PCDHA7: variants seen among roughly 807,000 people sequenced by gnomAD.
PCDHA7 encodes protocadherin alpha-7.
PCDHA7 carries 37 observed loss-of-function variants against 57.2 expected under a neutral mutation model. That is an observed-to-expected ratio of 0.65 (90% confidence interval 0.50 to 0.85). The LOEUF is 0.85. Ranked by LOEUF, PCDHA7 falls within the 40% of genes least tolerant of loss-of-function variation. The probability of loss-of-function intolerance (pLI) is 0.00; values close to 1 mark genes in which losing one functional copy is unlikely to be tolerated. For missense variants in PCDHA7, 1,188 were observed against 1,241.8 expected (o/e 0.96, Z 0.65); for synonymous variants, 553 against 558.8 (o/e 0.99, Z 0.15).
intron 3 of PCDHA7, among the ~76,000 whole-genome samples, chr5:140,991,449 A>G (rs1405447405): frequency 6.6e-6 from 1 of 152,206 alleles, no homozygotes; most frequent in East Asian, 1.9e-4. Flanking sequence ...GCTTAAAACA[A>G]CACAATGTAT....
At chr5:140,852,885 AT>A (rs2150523673) in intron 1 of PCDHA7, 17,743 of 732,756 alleles carry the variant, frequency 0.024, 6 homozygotes, top group Non-Finnish European at 0.027. Flanking sequence ...CATAAAACGT[AT>A]TTTTTTTTTT....
Position 140,850,293 on chromosome 5 carries a change from G to T in PCDHA7, c.2355+13555G>T. On this transcript the variant is annotated intron_variant, in intron 1 of 3. Coordinates refer to ENST00000525929, the MANE Select transcript of PCDHA7 (RefSeq NM_018910.3). ...GGGGAAGGTGCGCGCAGTGGACGCC[G>T]ACTCGGGCTACAACGCGTGGCTTTC... 6.3e-6 allele frequency: 10 copies of T among 1,596,280 alleles called. 2 individuals are homozygous for T. The highest frequency in any genetic ancestry group is 8.6e-6 in the Non-Finnish European group (10 of 1,167,618).
At chr5:140,967,535 T>C in intron 1 of PCDHA7, 3 of 1,613,746 alleles carry the variant, frequency 1.9e-6, no homozygotes, top group Non-Finnish European at 2.5e-6. Context: ...CTCTCCTGCC[T>C]TTGACCAGTC....
chr5:141,003,574 A>T (rs559561339), intron 3 of PCDHA7, among the ~76,000 whole-genome samples: 1 of 151,680 alleles, frequency 6.6e-6, no homozygotes, highest in African/African-American at 2.4e-5. Context: ...CAGACTCCCA[A>T]AGTGCTGGGA....
At chr5:140,915,533 G>C (rs1200323853) in intron 1 of PCDHA7, among the ~76,000 whole-genome samples, 1 of 152,018 alleles carries the variant, frequency 6.6e-6, no homozygotes, top group Non-Finnish European at 1.5e-5. Flanking sequence ...GTACCATCTT[G>C]GAGGTCTTGA....
intron 1 of PCDHA7, chr5:140,883,426 C>T: frequency 6.2e-7 from 1 of 1,614,196 alleles, no homozygotes; most frequent in Non-Finnish European, 8.5e-7. Context: ...GACAGGTCAC[C>T]TGCACCTTGA....
intron 1 of PCDHA7, among the ~76,000 whole-genome samples, chr5:140,943,274 A>G (rs1179008027): frequency 6.4e-5 from 9 of 141,284 alleles, no homozygotes; most frequent in Non-Finnish European, 1.0e-4. Flanking sequence ...AAAAAAAAAA[A>G]AAAGAAAGAA....
rs544401230 is a variant in PCDHA7 at position 140,855,171 on chromosome 5, C to A, written c.2355+18433C>A. On this transcript the variant is annotated intron_variant, in intron 1 of 3. Coordinates refer to ENST00000525929, the MANE Select transcript of PCDHA7 (RefSeq NM_018910.3). ...AATTTGGTATTGAGCCTCATGAAAA[C>A]AAATGTGGCCAAATTGAGGCCTGAG... Among the ~76,000 whole-genome samples the A allele has an allele frequency of 6.9e-4, 104 of 149,830 alleles. 7 individuals are homozygous for A. Among genetic ancestry groups the A allele is most frequent in the African/African-American group, 2.4e-3 (100 of 41,004 alleles).
intron 1 of PCDHA7, chr5:140,868,533 C>T (rs1265642890): frequency 6.6e-6 from 1 of 152,534 alleles, no homozygotes; most frequent in African/African-American, 2.4e-5. Context: ...GAAAGTAAAA[C>T]AATTCAAATT....
intron 1 of PCDHA7, chr5:140,862,242 A>C (rs1297106167): frequency 4.7e-6 from 1 of 212,242 alleles, no homozygotes; most frequent in Non-Finnish European, 9.5e-6. Flanking sequence ...CATCAATGAT[A>C]GTGTTCCAGA....
chr5:140,843,104 C>A (rs1327692669), intron 1 of PCDHA7: 3 of 1,595,712 alleles, frequency 1.9e-6, no homozygotes, highest in Non-Finnish European at 1.7e-6. Context: ...AGCGAAGGTG[C>A]GCGCAGTGGA....
intron 1 of PCDHA7, chr5:140,855,749 C>T (rs2043605580): frequency 3.1e-6 from 1 of 325,346 alleles, no homozygotes. Context: ...TAATGTGAGG[C>T]TTTGAAAGTC....
chr5:140,976,190 C>T (rs1402016343), intron 1 of PCDHA7, among the ~76,000 whole-genome samples: 17 of 152,040 alleles, frequency 1.1e-4, no homozygotes, highest in African/African-American at 4.1e-4. Context: ...AATCAATATC[C>T]TGGAAACTCA....
At chr5:140,991,022 C>T (rs1324609159) in intron 3 of PCDHA7, among the ~76,000 whole-genome samples, 1 of 152,164 alleles carries the variant, frequency 6.6e-6, no homozygotes, top group Non-Finnish European at 1.5e-5. Flanking sequence ...AAGCACTTTA[C>T]ATATGTTGCA....
At chr5:140,881,335 C>A in intron 1 of PCDHA7, 1 of 984,916 alleles carries the variant, frequency 1.0e-6, no homozygotes, top group Non-Finnish European at 1.2e-6. Context: ...ACCAGGACGC[C>A]GATTCGGGCT....
rs373601874 is a variant in PCDHA7, at chr5:140,873,473, C to T, written c.2355+36735C>T. ...TTTGCATTTTAGATAATTCAAATTACTTGGACTGATTTCTGCAAAGTTGTG... is the reference window on the plus strand; with the variant it reads ...TTTGCATTTTAGATAATTCAAATTATTTGGACTGATTTCTGCAAAGTTGTG... On this transcript the variant is annotated intron_variant, in intron 1 of 3. Transcript: ENST00000525929. Among the ~76,000 whole-genome samples the T allele has an allele frequency of 1.5e-4, 23 of 152,180 alleles. No homozygotes were observed. The East Asian group carries it at 2.3e-3, about 15-fold the overall frequency.
intron 1 of PCDHA7, chr5:140,866,939 C>A (rs2049664187): frequency 6.6e-6 from 1 of 152,126 alleles, no homozygotes; most frequent in Admixed American, 6.6e-5. Context: ...ATAATCTCTT[C>A]ACTAGGGGCT....
At chr5:140,977,831 T>C (rs987042342) in intron 1 of PCDHA7, among the ~76,000 whole-genome samples, 3 of 152,240 alleles carry the variant, frequency 2.0e-5, no homozygotes, top group Admixed American at 1.3e-4. Flanking sequence ...AATGGTCTAT[T>C]GATATTACTA....
intron 1 of PCDHA7, among the ~76,000 whole-genome samples, chr5:140,899,629 G>T (rs2067446538): frequency 6.6e-6 from 1 of 152,116 alleles, no homozygotes; most frequent in African/African-American, 2.4e-5. Flanking sequence ...AAGGATATTG[G>T]TCTAAAATTC....
Sources: gnomAD v4.1 joint callset for allele counts (sites outside exome capture counted in the v4.1 genomes callset) on GRCh38, gnomAD v4.1.1 for gene constraint, MANE v1.5 for transcripts, NCBI Gene and HGNC (gene_info 2026-07-23, HGNC 2026-07-21) for gene names.